The following GRM7 variants were observed in gnomAD, a reference collection of about 807,000 sequenced individuals.
The protein encoded by GRM7 is metabotropic glutamate receptor 7.
In GRM7, 35 loss-of-function variants were observed where a neutral mutation model predicts 84.5. The ratio of observed to expected loss-of-function variants is 0.41; its 90% CI spans 0.32 to 0.55. The LOEUF is 0.55. GRM7 is among the 20% of genes least tolerant of loss of function. The probability of loss-of-function intolerance (pLI) is 0.19; values close to 1 mark genes in which losing one functional copy is unlikely to be tolerated. For missense variants in GRM7, 1,003 were observed against 1,194.6 expected (o/e 0.84, Z 2.36); for synonymous variants, 487 against 455.1 (o/e 1.07, Z -0.89).
At chr3:7,247,661 T>G (rs1326534892) in intron 2 of GRM7, among the ~76,000 whole-genome samples, 1 of 150,388 alleles carries the variant, frequency 6.6e-6, no homozygotes, top group Non-Finnish European at 1.5e-5. Flanking sequence ...AAAAAAACTT[T>G]GCCAAAACTA....
At position 6,965,429 on chromosome 3, in the gene GRM7, C is replaced by T. The variant is rs570011011; in HGVS notation, c.519+103522C>T. On this transcript the variant is annotated intron_variant, in intron 1 of 9. Transcript: ENST00000357716. ...ACCTCCCAGGCTCAAGCAATCCTCC[C>T]GTCTTAGCCTCCCCAGTAGCTGGGA... 6.8e-4 allele frequency among the ~76,000 whole-genome samples: 104 copies of T among 152,174 alleles called. 1 individual carries two copies. In the South Asian group the frequency reaches 0.019, roughly 28 times the overall value.
intron 9 of GRM7, among the ~76,000 whole-genome samples, chr3:7,717,135 CT>C (rs913865601): frequency 6.6e-6 from 1 of 151,616 alleles, no homozygotes; most frequent in Non-Finnish European, 1.5e-5. Flanking sequence ...TTTTCCCTTC[CT>C]TTTTTTTCAA....
At chr3:7,035,331 G>A (rs1696347278) in intron 1 of GRM7, among the ~76,000 whole-genome samples, 1 of 152,166 alleles carries the variant, frequency 6.6e-6, no homozygotes, top group East Asian at 1.9e-4. Flanking sequence ...GATTTAGTCA[G>A]TCAGTACTTT....
intron 1 of GRM7, among the ~76,000 whole-genome samples, chr3:7,026,363 A>C (rs1464472146): frequency 1.3e-5 from 2 of 152,208 alleles, no homozygotes; most frequent in Admixed American, 1.3e-4. Context: ...TCTTCATCAC[A>C]TTCAAGGGAG....
intron 7 of GRM7, among the ~76,000 whole-genome samples, chr3:7,508,719 G>A (rs370521119): frequency 6.6e-6 from 1 of 152,136 alleles, no homozygotes; most frequent in Non-Finnish European, 1.5e-5. Flanking sequence ...GAAAATTAAG[G>A]AAGATGAAAT....
At chr3:7,672,786 T>G (rs1166477447) in intron 8 of GRM7, among the ~76,000 whole-genome samples, 1 of 151,974 alleles carries the variant, frequency 6.6e-6, no homozygotes, top group African/African-American at 2.4e-5. Flanking sequence ...TTTTGTATTT[T>G]TTAGTAGAGA....
At chr3:6,964,147 G>T (rs191337018) in intron 1 of GRM7, among the ~76,000 whole-genome samples, 2 of 152,104 alleles carry the variant, frequency 1.3e-5, no homozygotes, top group Non-Finnish European at 2.9e-5. Flanking sequence ...AGCTTTTGAC[G>T]CTGTTAAATA....
rs142793221 is a variant in GRM7, at chr3:6,900,659, G to A, written c.519+38752G>A. Among the ~76,000 whole-genome samples the A allele has an allele frequency of 3.6e-3, 554 of 152,290 alleles. 6 individuals carry two copies. The highest frequency in any genetic ancestry group is 0.013 in the African/African-American group (523 of 41,570). On this transcript the variant is annotated intron_variant, in intron 1 of 9. Transcript: ENST00000357716. ...CTACTATTGATTTTTAAAAGGGAAT[G>A]TGTTGGCTGAAAGAGAGAAGAAGCT... is the stretch of plus-strand genomic sequence containing the variant.
intron 2 of GRM7, among the ~76,000 whole-genome samples, chr3:7,150,696 A>G (rs2125069724): frequency 6.6e-6 from 1 of 152,326 alleles, no homozygotes; most frequent in East Asian, 1.9e-4. Flanking sequence ...ATTTCTTAAT[A>G]TTGCAGGGAA....
intron 9 of GRM7, among the ~76,000 whole-genome samples, chr3:7,698,337 C>T (rs1431127857): frequency 1.3e-5 from 2 of 152,198 alleles, no homozygotes; most frequent in Admixed American, 1.3e-4. Flanking sequence ...TTCCCATGCA[C>T]CAGCCACTAT....
At chr3:7,515,815 G>A (rs1700355897) in intron 7 of GRM7, among the ~76,000 whole-genome samples, 1 of 151,924 alleles carries the variant, frequency 6.6e-6, no homozygotes, top group African/African-American at 2.4e-5. Context: ...TGTAAACTAG[G>A]GGACAATGAC....
intron 4 of GRM7, among the ~76,000 whole-genome samples, chr3:7,392,984 C>T (rs1425512152): frequency 6.6e-6 from 1 of 152,128 alleles, no homozygotes; most frequent in African/African-American, 2.4e-5. Flanking sequence ...AGGCCAAGGT[C>T]AGGATGCAGC....
chr3:7,273,980 A>G (rs529703611), intron 2 of GRM7, among the ~76,000 whole-genome samples: 2 of 151,710 alleles, frequency 1.3e-5, no homozygotes, highest in African/African-American at 4.8e-5. Flanking sequence ...GCTTTAATGG[A>G]ACATTTTATA....
chr3:7,241,612 G>A lies in GRM7; in HGVS notation c.737-57072G>A, dbSNP rs182607331. ...CTCTATGCTAGATACTCTCCTAAAT[G>A]CCAGGCTACCTGCTTGGGTGAGCTG... On this transcript the variant is annotated intron_variant, in intron 2 of 9. Coordinates refer to ENST00000357716, the MANE Select transcript of GRM7 (RefSeq NM_000844.4). 1.5e-4 allele frequency among the ~76,000 whole-genome samples: 23 copies of A among 152,070 alleles called. 1 individual carries two copies. Among genetic ancestry groups the A allele is most frequent in the African/African-American group, 5.1e-4 (21 of 41,506 alleles).
At chr3:7,735,308 AG>A in intron 9 of GRM7, among the ~76,000 whole-genome samples, 1 of 140,426 alleles carries the variant, frequency 7.1e-6, no homozygotes, top group Non-Finnish European at 1.5e-5. Context: ...AGTGATAGGC[AG>A]GGTTAAGGTT....
intron 2 of GRM7, among the ~76,000 whole-genome samples, chr3:7,245,226 G>C (rs947522838): frequency 7.2e-5 from 11 of 151,892 alleles, no homozygotes; most frequent in Non-Finnish European, 1.6e-4. Context: ...AGATAAAAGG[G>C]ACAGAAAATA....
At chr3:7,463,555 G>T (rs1282536329) in intron 7 of GRM7, among the ~76,000 whole-genome samples, 1 of 152,036 alleles carries the variant, frequency 6.6e-6, no homozygotes, top group Non-Finnish European at 1.5e-5. Context: ...TCAGCATCTA[G>T]GATGGAGTTA....
At chr3:7,071,493 T>G (rs1166158394) in intron 1 of GRM7, among the ~76,000 whole-genome samples, 1 of 151,958 alleles carries the variant, frequency 6.6e-6, no homozygotes, top group Non-Finnish European at 1.5e-5. Context: ...CTTCATGTTT[T>G]CTCCTCACTG....
intron 7 of GRM7, among the ~76,000 whole-genome samples, chr3:7,503,016 A>C (rs17047467): frequency 0.36 from 54,953 of 151,838 alleles, 10,235 homozygotes; most frequent in East Asian, 0.64. Flanking sequence ...CTTAGTAATA[A>C]CTTATACATG....
Sources: gnomAD v4.1 joint callset for allele counts (sites outside exome capture counted in the v4.1 genomes callset) on GRCh38, gnomAD v4.1.1 for gene constraint, MANE v1.5 for transcripts, NCBI Gene and HGNC (gene_info 2026-07-23, HGNC 2026-07-21) for gene names.